Variants in DMD observed in about 807,000 individuals in gnomAD.
DMD encodes the protein mutant dystrophin.
DMD carries 63 observed loss-of-function variants against 330.1 expected under a neutral mutation model. The ratio of observed to expected loss-of-function variants is 0.19; its 90% CI spans 0.16 to 0.24. The LOEUF (loss-of-function observed/expected upper bound fraction) is 0.24. Among genes scored for constraint, DMD ranks in the 10% least tolerant of loss-of-function variants. The pLI, the probability that DMD is intolerant of heterozygous loss-of-function variation, is 1.00. For synonymous variants in DMD, 1,223 were observed against 959.8 expected (o/e 1.27, Z -5.07); for missense variants, 3,344 against 2,684.1 (o/e 1.25, Z -5.43).
At chrX:33,096,240 C>T (rs906101315) in intron 1 of DMD, among the ~76,000 whole-genome samples, 3 of 110,859 alleles carry the variant, frequency 2.7e-5, no homozygotes, top group East Asian at 2.9e-4. Context: ...TCCCAAAGTG[C>T]TGGGATTACT....
At chrX:31,275,605 T>A (rs768419429) in intron 62 of DMD, among the ~76,000 whole-genome samples, 15 of 111,321 alleles carry the variant, frequency 1.3e-4, no homozygotes, top group African/African-American at 4.9e-4. Context: ...TCTTTCTTTT[T>A]AAAATAGAAT....
intron 1 of DMD, among the ~76,000 whole-genome samples, chrX:33,198,174 C>A (rs1008987675): frequency 1.3e-4 from 14 of 110,961 alleles, no homozygotes; most frequent in Non-Finnish European, 2.3e-4. Flanking sequence ...TCTTTAATGG[C>A]TAGTGAAGCT....
At chrX:31,463,301 T>C (rs144071416) in intron 59 of DMD, among the ~76,000 whole-genome samples, 222 of 111,959 alleles carry the variant, frequency 2.0e-3, no homozygotes, top group African/African-American at 6.8e-3. Flanking sequence ...AAAATCTTAT[T>C]ATGAAAAAGT....
chrX:32,668,902 CT>C (rs2061474382), intron 9 of DMD, among the ~76,000 whole-genome samples: 1 of 111,063 alleles, frequency 9.0e-6, no homozygotes, highest in Non-Finnish European at 1.9e-5. Flanking sequence ...CTTATCGAAG[CT>C]GTATGCTGAA....
chrX:32,682,368 C>A (rs1011780664), intron 9 of DMD, among the ~76,000 whole-genome samples: 2 of 111,223 alleles, frequency 1.8e-5, no homozygotes, highest in African/African-American at 3.3e-5. Flanking sequence ...TATTAATAAG[C>A]CATGTGTCCC....
chrX:31,339,732 C>T (rs1386894765), intron 61 of DMD, among the ~76,000 whole-genome samples: 4 of 111,617 alleles, frequency 3.6e-5, no homozygotes, highest in Non-Finnish European at 5.6e-5. Context: ...CATGCCACCA[C>T]GCCCAGCTAA....
intron 2 of DMD, among the ~76,000 whole-genome samples, chrX:33,005,707 C>CA (rs1569548454): frequency 2.7e-5 from 3 of 110,453 alleles, no homozygotes; most frequent in African/African-American, 9.8e-5. Flanking sequence ...AGGAACAAGA[C>CA]AAAAATGTCT....
At chrX:32,491,602 AAAAGT>A in intron 19 of DMD, 84 bp from the exon 20 acceptor site, 1 of 920,116 alleles carries the variant, frequency 1.1e-6, no homozygotes. Flanking sequence ...TCCTAATTAT[AAAAGT>A]ATTCACCACA....
Position 32,883,316 on chromosome X carries a change from T to C in DMD, c.94-33496A>G, listed in dbSNP as rs111572224. Reference sequence around the variant, plus strand: ...TTGTGTAACTTATTTATTAAATTTATAATACAATGAAATCTGAGTTTTCTA... The same window carrying C: ...TTGTGTAACTTATTTATTAAATTTACAATACAATGAAATCTGAGTTTTCTA... On this transcript the variant is annotated intron_variant, in intron 2 of 78. Transcript: ENST00000357033. 4.5e-3 allele frequency among the ~76,000 whole-genome samples: 504 copies of C among 112,026 alleles called. 8 individuals carry two copies. The East Asian group carries it at 0.065, about 14-fold the overall frequency.
chrX:33,131,451 C>T (rs1362883217), intron 1 of DMD, among the ~76,000 whole-genome samples: 1 of 111,901 alleles, frequency 8.9e-6, no homozygotes, highest in Non-Finnish European at 1.9e-5. Flanking sequence ...TCAGAATCAA[C>T]TGACGAGCTC....
At chrX:32,258,616 G>A (rs991651519) in intron 43 of DMD, among the ~76,000 whole-genome samples, 1 of 109,864 alleles carries the variant, frequency 9.1e-6, no homozygotes, top group South Asian at 4.0e-4. Flanking sequence ...TGAACGATGA[G>A]AACACATAGA....
rs778961308 is a variant in DMD, at chrX:31,949,691, G to C, written c.6615-17464C>G. On this transcript the variant is annotated intron_variant, in intron 45 of 78. Transcript: ENST00000357033. Reference sequence around the variant, plus strand: ...ATTTTAAATTACTAATTCAGTTTCTGTGTTTGTGTTAGGTCTATTCATATG... The same window carrying C: ...ATTTTAAATTACTAATTCAGTTTCTCTGTTTGTGTTAGGTCTATTCATATG... 4.5e-5 allele frequency among the ~76,000 whole-genome samples: 5 copies of C among 111,017 alleles called. No homozygotes were observed. The South Asian group carries it at 1.9e-3, about 42-fold the overall frequency.
intron 44 of DMD, among the ~76,000 whole-genome samples, chrX:31,993,512 G>A (rs967328429): frequency 8.9e-6 from 1 of 111,884 alleles, no homozygotes; most frequent in African/African-American, 3.3e-5. Context: ...GCTGCACTGG[G>A]ATTGGGTAAG....
intron 1 of DMD, chrX:33,041,396 T>C (rs2094298642): frequency 3.4e-6 from 4 of 1,191,009 alleles, no homozygotes; most frequent in African/African-American, 3.5e-5. Flanking sequence ...CGAGGGACCA[T>C]GGCCGATCCT....
intron 1 of DMD, among the ~76,000 whole-genome samples, chrX:33,059,085 T>C (rs772271919): frequency 8.9e-6 from 1 of 111,850 alleles, no homozygotes; most frequent in African/African-American, 3.3e-5. Context: ...AAGCTCAATT[T>C]ATCAGTGTTT....
At chrX:32,582,652 C>T (rs1403299076) in intron 13 of DMD, among the ~76,000 whole-genome samples, 2 of 111,142 alleles carry the variant, frequency 1.8e-5, no homozygotes, top group African/African-American at 6.6e-5. Flanking sequence ...ATCGAAATGG[C>T]CAAAAGCAGT....
chrX:31,745,111 G>A (rs1324505337), intron 51 of DMD, among the ~76,000 whole-genome samples: 1 of 112,013 alleles, frequency 8.9e-6, no homozygotes, highest in Non-Finnish European at 1.9e-5. Context: ...AGGTGCCATA[G>A]AGGAACAGCA....
chrX:32,047,539 T>C (rs1318131741), intron 44 of DMD, among the ~76,000 whole-genome samples: 9 of 111,750 alleles, frequency 8.1e-5, no homozygotes, highest in Non-Finnish European at 1.5e-4. Flanking sequence ...TTATCTGTAA[T>C]AAAAACATAT....
chrX:33,076,376 T>A (rs1289323733), intron 1 of DMD, among the ~76,000 whole-genome samples: 1 of 111,657 alleles, frequency 9.0e-6, no homozygotes, highest in Non-Finnish European at 1.9e-5. Context: ...AAATCAACTC[T>A]GTCTAGAGAG....
Sources: allele counts gnomAD v4.1 joint callset (sites outside exome capture counted in the v4.1 genomes callset), GRCh38; gene constraint gnomAD v4.1.1; transcripts MANE v1.5; gene names NCBI Gene and HGNC (gene_info 2026-07-23, HGNC 2026-07-21).